The following ANKRD12 variants were observed in gnomAD, a reference collection of about 807,000 sequenced individuals.
ANKRD12 encodes ankyrin repeat domain-containing protein 12.
ANKRD12 carries 85 observed loss-of-function variants against 183.4 expected under a neutral mutation model. That is an observed-to-expected ratio of 0.46 (90% CI 0.39 to 0.56). The LOEUF is 0.56. ANKRD12 is among the 20% of genes least tolerant of loss of function. The pLI is 0.00. For synonymous variants in ANKRD12, 914 were observed against 800.2 expected (o/e 1.14, Z -2.40); for missense variants, 2,405 against 2,357.1 (o/e 1.02, Z -0.42).
chr18:9,222,509 A>T (rs148636499), intron 8 of ANKRD12, among the ~76,000 whole-genome samples: 1 of 151,776 alleles, frequency 6.6e-6, no homozygotes, highest in Non-Finnish European at 1.5e-5. Flanking sequence ...TAAAGATAAC[A>T]AAAAAACATT....
At chr18:9,274,248 G>A (rs940853274) in intron 10 of ANKRD12, among the ~76,000 whole-genome samples, 4 of 152,218 alleles carry the variant, frequency 2.6e-5, no homozygotes, top group African/African-American at 4.8e-5. Context: ...TTATGCCAAA[G>A]TGGCATATTT....
intron 4 of ANKRD12, among the ~76,000 whole-genome samples, chr18:9,206,649 G>C (rs755977243): frequency 1.3e-5 from 2 of 152,030 alleles, no homozygotes; most frequent in Non-Finnish European, 2.9e-5. Context: ...GTTTATATTG[G>C]ATGCTAGCAT....
rs1230230352 is a variant in ANKRD12, at chr18:9,255,807, T to C, written c.2540T>C (p.Ile847Thr). 6.4e-7 allele frequency: 1 copy of C among 1,572,410 alleles called. No homozygotes were observed. The highest frequency in any genetic ancestry group is 1.4e-5 in the African/African-American group (1 of 72,090). Reference sequence around the variant, plus strand: ...AAAACCTTTGAAAAAGAAAAGAAGATAAAACATGAGCATAAGTCAGAAAAA... The same window carrying C: ...AAAACCTTTGAAAAAGAAAAGAAGACAAAACATGAGCATAAGTCAGAAAAA... ...ERKTFEKEKK[I>T]KHEHKSEKDK... is the part of the protein sequence containing the mutation. Residue 847 changes from isoleucine to threonine, a missense_variant, in exon 9 of 13, where the codon ATA becomes ACA. Physicochemically the swap from Ile to Thr is moderately conservative, Grantham distance 89. Around this residue, in one of 7 missense-constraint regions of ANKRD12, gnomAD observed 1,983 missense variants for 1,725.9 expected, o/e 1.15. Transcript: ENST00000262126.
At chr18:9,216,728 A>C (rs370884967) in intron 6 of ANKRD12, 30 bp from the exon 7 acceptor site, 3 of 1,605,894 alleles carry the variant, frequency 1.9e-6, no homozygotes, top group African/African-American at 2.7e-5. Flanking sequence ...AGCGCAAGTG[A>C]ATCATGTTAA....
At position 9,203,730 on chromosome 18, in the gene ANKRD12, A is replaced by G. The variant is rs572526890; in HGVS notation, c.236-746A>G. Among the ~76,000 whole-genome samples, 387 of 152,156 alleles carry G rather than the reference A, an allele frequency of 2.5e-3. 2 individuals carry two copies. The highest frequency in any genetic ancestry group is 8.8e-3 in the African/African-American group (365 of 41,498). On this transcript the variant is annotated intron_variant, in intron 3 of 12. Coordinates refer to ENST00000262126, the MANE Select transcript of ANKRD12 (RefSeq NM_015208.5). ...AGTGATTCTCTGGCCTCAGCCTCCC[A>G]AGTAGGTGGGATTACAGGCATATGC... is the stretch of plus-strand genomic sequence containing the variant.
intron 10 of ANKRD12, among the ~76,000 whole-genome samples, chr18:9,267,162 ATAC>A (rs2039339745): frequency 6.6e-6 from 1 of 152,270 alleles, no homozygotes; most frequent in South Asian, 2.1e-4. Context: ...CCACACAATA[ATAC>A]TAATAATGGG....
At chr18:9,214,454 T>A (rs894582047) in intron 6 of ANKRD12, among the ~76,000 whole-genome samples, 3 of 152,128 alleles carry the variant, frequency 2.0e-5, no homozygotes, top group Admixed American at 6.5e-5. Flanking sequence ...GACTATCTGC[T>A]TAAAACACCA....
intron 1 of ANKRD12, among the ~76,000 whole-genome samples, chr18:9,142,911 T>C (rs181071883): frequency 2.6e-5 from 4 of 152,150 alleles, no homozygotes; most frequent in Admixed American, 2.6e-4. Context: ...TAATGGTTAA[T>C]GATGATAAAG....
At chr18:9,206,560 G>A (rs563471883) in intron 4 of ANKRD12, among the ~76,000 whole-genome samples, 13 of 152,056 alleles carry the variant, frequency 8.5e-5, no homozygotes, top group South Asian at 2.1e-4. Flanking sequence ...GCCTTACACC[G>A]GCTGCTGTTT....
chr18:9,241,317 C>T (rs547804853), intron 8 of ANKRD12, among the ~76,000 whole-genome samples: 3 of 152,084 alleles, frequency 2.0e-5, no homozygotes, highest in Non-Finnish European at 4.4e-5. Flanking sequence ...AAAGATTTTT[C>T]ATTTAACATG....
chr18:9,159,951 T>G (rs2031172252), intron 1 of ANKRD12, among the ~76,000 whole-genome samples: 1 of 151,564 alleles, frequency 6.6e-6, no homozygotes, highest in Admixed American at 6.6e-5. Flanking sequence ...ACTACAGATG[T>G]CCACCACCAC....
chr18:9,233,971 GT>G (rs1036741129), intron 8 of ANKRD12, among the ~76,000 whole-genome samples: 28 of 152,294 alleles, frequency 1.8e-4, no homozygotes, highest in Non-Finnish European at 2.6e-4. Flanking sequence ...TCCCAGCGTG[GT>G]AGGGGCAGTG....
rs2040125683 is a variant in ANKRD12, at chr18:9,282,184, T to G, written c.*1058T>G. ...AAATACGTTTAATAAATTTTATTGG[T>G]CATGTTAAATCATTGTAAAACTTTT... On this transcript the variant is annotated 3_prime_UTR_variant, in exon 13 of 13. Coordinates refer to ENST00000262126, the MANE Select transcript of ANKRD12 (RefSeq NM_015208.5). The G allele has an allele frequency of 6.6e-6, 1 of 152,614 alleles. No homozygotes were observed. The highest frequency in any genetic ancestry group is 1.5e-5 in the Non-Finnish European group (1 of 68,006). 9.5% of individuals were successfully genotyped at this position (152,614 alleles called of 1,614,324 possible). A position where few individuals can be genotyped will look rare whatever the true frequency, so the allele number is the denominator to read the frequency against.
At chr18:9,141,027 C>T (rs2078295085) in intron 1 of ANKRD12, among the ~76,000 whole-genome samples, 1 of 151,924 alleles carries the variant, frequency 6.6e-6, no homozygotes. Flanking sequence ...ATTGCTCTGC[C>T]TCTAATTAAG....
intron 8 of ANKRD12, among the ~76,000 whole-genome samples, chr18:9,225,699 T>C (rs1168088586): frequency 1.3e-5 from 2 of 152,112 alleles, no homozygotes; most frequent in African/African-American, 4.8e-5. Flanking sequence ...ACTTTCGAAA[T>C]CCAAATATGA....
intron 6 of ANKRD12, among the ~76,000 whole-genome samples, chr18:9,213,638 T>C (rs1471508114): frequency 1.3e-5 from 2 of 151,924 alleles, no homozygotes; most frequent in Non-Finnish European, 2.9e-5. Context: ...TTTATAAATA[T>C]GTGGGAGAGC....
rs33944736 is a variant in ANKRD12, at chr18:9,175,523, C to CTTTTTTTTTTTTTTTTT, written c.-51-6847_-51-6831dup. ...CTTGATCAGTTTTTCAAAGGCTCCT[C>CTTTTTTTTTTTTTTTTT]TTTTTTTTTTTTTTTTTTTTTTTTT... On this transcript the variant is annotated intron_variant, in intron 1 of 12. Coordinates refer to ENST00000262126, the MANE Select transcript of ANKRD12 (RefSeq NM_015208.5). Among the ~76,000 whole-genome samples the CTTTTTTTTTTTTTTTTT allele has an allele frequency of 1.7e-4, 9 of 53,312 alleles. 3 individuals carry two copies. The highest frequency in any genetic ancestry group is 2.2e-4 in the Non-Finnish European group (7 of 31,444). The allele number at this position is 53,312 out of a possible 152,430, so 35.0% of individuals were successfully genotyped here. A position where few individuals can be genotyped will look rare whatever the true frequency, so the allele number is the denominator to read the frequency against.
chr18:9,255,880 C>G lies in ANKRD12; in HGVS notation c.2613C>G (p.Asp871Glu). 2 of 1,594,474 alleles carry G rather than the reference C, an allele frequency of 1.3e-6. No individual in the cohort carries two copies. Among genetic ancestry groups the G allele is most frequent in the African/African-American group, 1.4e-5 (1 of 73,594 alleles). ...GTGTTGATAAAATAAAAGAAAAGGA[C>G]AAGCTATATTCGCATCACACAGAAA... ...SECVDKIKEK[D>E]KLYSHHTEKC... Residue 871 changes from aspartate (D) to glutamate (E), a missense_variant, in exon 9 of 13, where the codon GAC (aspartate) becomes GAG (glutamate). Asp to Glu is a conservative substitution (Grantham distance 45, BLOSUM62 2). Coordinates refer to ENST00000262126, the MANE Select transcript of ANKRD12 (RefSeq NM_015208.5).
intron 8 of ANKRD12, among the ~76,000 whole-genome samples, chr18:9,240,815 G>A (rs1480342570): frequency 6.6e-6 from 1 of 152,122 alleles, no homozygotes; most frequent in Non-Finnish European, 1.5e-5. Flanking sequence ...GTAGTATGTT[G>A]TTACCCACTG....
Sources: allele counts gnomAD v4.1 joint callset (sites outside exome capture counted in the v4.1 genomes callset), GRCh38; gene constraint gnomAD v4.1.1; regional missense constraint gnomAD v4.1.1; transcripts MANE v1.5; gene names NCBI Gene and HGNC (gene_info 2026-07-23, HGNC 2026-07-21).